RAB7A: variants seen among roughly 807,000 people sequenced by gnomAD.
RAB7A encodes the protein RAB7A, member RAS oncogene family, also known as ras-related protein Rab-7a.
A neutral mutation model predicts 24.5 loss-of-function variants in RAB7A; 2 were observed. The observed-to-expected ratio is 0.08, with a 90% CI of 0.03 to 0.26. The LOEUF is 0.26. RAB7A is among the 10% of genes least tolerant of loss of function. The probability of loss-of-function intolerance (pLI) is 1.00; values close to 1 mark genes in which losing one functional copy is unlikely to be tolerated. For missense variants in RAB7A, 118 were observed against 255.7 expected (o/e 0.46, Z 3.67); for synonymous variants, 100 against 95.9 (o/e 1.04, Z -0.25).
chr3:128,759,028 C>T (rs975372490), intron 1 of RAB7A, among the ~76,000 whole-genome samples: 1 of 147,108 alleles, frequency 6.8e-6, no homozygotes, highest in Admixed American at 6.8e-5. Context: ...CTTCAACTTA[C>T]AGCCCCTGTG....
intron 1 of RAB7A, among the ~76,000 whole-genome samples, chr3:128,745,102 CTGACCTCA>C (rs942905308): frequency 2.8e-4 from 43 of 152,166 alleles, no homozygotes; most frequent in African/African-American, 9.9e-4. Flanking sequence ...TCTCAATCTC[CTGACCTCA>C]TGATCCACCC....
intron 1 of RAB7A, among the ~76,000 whole-genome samples, chr3:128,755,967 A>G (rs2070726072): frequency 6.6e-6 from 1 of 152,160 alleles, no homozygotes; most frequent in African/African-American, 2.4e-5. Flanking sequence ...TTTCTCACAC[A>G]TAAAACCCTT....
At chr3:128,746,857 T>C (rs912011745) in intron 1 of RAB7A, among the ~76,000 whole-genome samples, 1 of 151,122 alleles carries the variant, frequency 6.6e-6, no homozygotes, top group Admixed American at 6.6e-5. Flanking sequence ...ATTCAACACA[T>C]TGGTGATATC....
intron 1 of RAB7A, among the ~76,000 whole-genome samples, chr3:128,784,146 C>G (rs949908327): frequency 3.9e-5 from 6 of 152,210 alleles, no homozygotes; most frequent in Non-Finnish European, 7.3e-5. Flanking sequence ...TTAAATATAA[C>G]TAAATACCAC....
chr3:128,749,576 T>C (rs1401691135), intron 1 of RAB7A: 1 of 152,258 alleles, frequency 6.6e-6, no homozygotes, highest in Non-Finnish European at 1.5e-5. Context: ...AGATCTCATC[T>C]TGAATTCCTA....
intron 1 of RAB7A, among the ~76,000 whole-genome samples, chr3:128,736,864 G>A (rs1267398663): frequency 1.3e-5 from 2 of 152,090 alleles, no homozygotes; most frequent in African/African-American, 4.8e-5. Context: ...TTGGGAAATA[G>A]CACTAGTATC....
chr3:128,771,352 C>T (rs1241232672), intron 1 of RAB7A, among the ~76,000 whole-genome samples: 1 of 152,170 alleles, frequency 6.6e-6, no homozygotes, highest in African/African-American at 2.4e-5. Flanking sequence ...AAAGTAGGTT[C>T]TGTAATTGCG....
At chr3:128,733,376 A>T (rs2070457094) in intron 1 of RAB7A, among the ~76,000 whole-genome samples, 1 of 152,234 alleles carries the variant, frequency 6.6e-6, no homozygotes, top group South Asian at 2.1e-4. Context: ...GTACAGTTGT[A>T]ACTGGAGTTT....
At chr3:128,732,467 A>G (rs1472513101) in intron 1 of RAB7A, among the ~76,000 whole-genome samples, 1 of 152,106 alleles carries the variant, frequency 6.6e-6, no homozygotes, top group African/African-American at 2.4e-5. Flanking sequence ...GAGGAAGACC[A>G]AAGTGTTAAC....
intron 1 of RAB7A, among the ~76,000 whole-genome samples, chr3:128,740,067 A>G (rs555117012): frequency 1.3e-5 from 2 of 150,146 alleles, no homozygotes; most frequent in East Asian, 4.0e-4. Context: ...ACTCCATCTC[A>G]AAAAAAACAA....
chr3:128,763,203 TA>T (rs1559786085), intron 1 of RAB7A, among the ~76,000 whole-genome samples: 4 of 113,174 alleles, frequency 3.5e-5, no homozygotes, highest in African/African-American at 1.7e-4. Flanking sequence ...TATATATATA[TA>T]TATATTTTTT....
At chr3:128,766,753 T>C (rs774898532) in intron 1 of RAB7A, among the ~76,000 whole-genome samples, 1 of 152,172 alleles carries the variant, frequency 6.6e-6, no homozygotes, top group Non-Finnish European at 1.5e-5. Flanking sequence ...TTAACCAGGC[T>C]GGTTTTGAAC....
At position 128,809,328 on chromosome 3, in the gene RAB7A, A is replaced by G. The variant is rs138697311; in HGVS notation, c.528+1657A>G. Among the ~76,000 whole-genome samples, 151 of 152,320 alleles carry G rather than the reference A, an allele frequency of 9.9e-4. 1 individual carries two copies. The highest frequency in any genetic ancestry group is 3.5e-3 in the African/African-American group (144 of 41,582). On this transcript the variant is annotated intron_variant, in intron 5 of 5. Transcript: ENST00000265062. ...GCTTGCTTTCTTCTACCTCCTTGCCAGCAAGCAATAGGTGTCACCTGTCAC... is the reference window on the plus strand; with the variant it reads ...GCTTGCTTTCTTCTACCTCCTTGCCGGCAAGCAATAGGTGTCACCTGTCAC...
rs149237171 is a variant in RAB7A at position 128,750,450 on chromosome 3, C to T, written c.-9+24091C>T. ...CTAATTTTTGTATTTTTAGTAGAGA[C>T]GGGTTTTCACCATGTTGGCCAGGCT... On this transcript the variant is annotated intron_variant, in intron 1 of 5. Coordinates refer to ENST00000265062, the MANE Select transcript of RAB7A (RefSeq NM_004637.6). 2.8e-3 allele frequency among the ~76,000 whole-genome samples: 419 copies of T among 152,122 alleles called. 1 individual carries two copies. The highest frequency in any genetic ancestry group is 5.2e-3 in the Non-Finnish European group (352 of 67,998).
chr3:128,749,981 GA>G (rs1370761869), intron 1 of RAB7A, among the ~76,000 whole-genome samples: 1 of 152,192 alleles, frequency 6.6e-6, no homozygotes, highest in Non-Finnish European at 1.5e-5. Flanking sequence ...GCAGAGATTT[GA>G]AGGGTTTGGA....
intron 1 of RAB7A, among the ~76,000 whole-genome samples, chr3:128,787,212 A>G (rs2107607510): frequency 6.6e-6 from 1 of 152,366 alleles, no homozygotes; most frequent in South Asian, 2.1e-4. Flanking sequence ...GGCAACTTGG[A>G]AACACCAACC....
intron 1 of RAB7A, among the ~76,000 whole-genome samples, chr3:128,740,677 G>A (rs1487024390): frequency 6.6e-6 from 1 of 151,422 alleles, no homozygotes; most frequent in African/African-American, 2.4e-5. Context: ...GGGAGGATCG[G>A]TTGAGCCCAG....
intron 1 of RAB7A, among the ~76,000 whole-genome samples, chr3:128,752,111 A>G (rs1460452160): frequency 7.2e-6 from 1 of 138,582 alleles, no homozygotes; most frequent in African/African-American, 3.1e-5. Context: ...ATCAGCATGA[A>G]AACAGATTAA....
intron 1 of RAB7A, among the ~76,000 whole-genome samples, chr3:128,776,034 T>G (rs2107603113): frequency 6.6e-6 from 1 of 152,270 alleles, no homozygotes; most frequent in Non-Finnish European, 1.5e-5. Context: ...TTGGCCATTG[T>G]CTCCCCAGTC....
Sources: allele counts gnomAD v4.1 joint callset (sites outside exome capture counted in the v4.1 genomes callset), GRCh38; gene constraint gnomAD v4.1.1; transcripts MANE v1.5; gene names NCBI Gene and HGNC (gene_info 2026-07-23, HGNC 2026-07-21).